The following DNAH11 variants were observed in gnomAD, a reference collection of about 807,000 sequenced individuals.
DNAH11 encodes the protein axonemal beta dynein heavy chain 11.
Under a neutral mutation model 526.0 loss-of-function variants are expected in DNAH11, and 442 were observed. The observed-to-expected ratio is 0.84, with a 90% CI of 0.78 to 0.91. The LOEUF (loss-of-function observed/expected upper bound fraction) is 0.91, where lower values mean the gene tolerates loss of function less well. DNAH11 is among the 40% of genes least tolerant of loss of function. The probability of loss-of-function intolerance (pLI) is 0.00; values close to 1 mark genes in which losing one functional copy is unlikely to be tolerated. For missense variants in DNAH11, 6,989 were observed against 5,448.7 expected, an observed-to-expected ratio of 1.28 and a Z score of -8.90; for synonymous variants, 2,461 against 1,935.9, an observed-to-expected ratio of 1.27 and a Z score of -7.12.
At chr7:21,763,837 C>G (rs1279870846) in intron 54 of DNAH11, among the ~76,000 whole-genome samples, 1 of 148,744 alleles carries the variant, frequency 6.7e-6, no homozygotes, top group Non-Finnish European at 1.5e-5. Context: ...TATATATATA[C>G]ACACACAATG....
chr7:21,791,642 A>G (rs1054090719), intron 61 of DNAH11, among the ~76,000 whole-genome samples: 1 of 152,190 alleles, frequency 6.6e-6, no homozygotes, highest in African/African-American at 2.4e-5. Flanking sequence ...AGCTTACATT[A>G]GCTAGAAGGG....
At chr7:21,677,087 CAAT>C (rs1402338093) in intron 30 of DNAH11, among the ~76,000 whole-genome samples, 1 of 151,800 alleles carries the variant, frequency 6.6e-6, no homozygotes, top group Non-Finnish European at 1.5e-5. Flanking sequence ...AGACATAAAA[CAAT>C]AATCACATCT....
chr7:21,602,096 G>A (rs1785114076), intron 18 of DNAH11, among the ~76,000 whole-genome samples: 1 of 151,958 alleles, frequency 6.6e-6, no homozygotes, highest in Admixed American at 6.6e-5. Flanking sequence ...TCCCAGCACT[G>A]TGAGAGGCTG....
intron 61 of DNAH11, among the ~76,000 whole-genome samples, chr7:21,796,358 G>T (rs1583704796): frequency 6.6e-6 from 1 of 152,154 alleles, no homozygotes; most frequent in Non-Finnish European, 1.5e-5. Context: ...GCACAGGAGG[G>T]ATAAATCGAT....
At position 21,894,905 on chromosome 7, in the gene DNAH11, G is replaced by T. The variant is rs770536405; in HGVS notation, c.12955G>T (p.Ala4319Ser). 3 of 1,613,998 alleles carry T rather than the reference G, an allele frequency of 1.9e-6. No homozygotes were observed. The highest frequency in any genetic ancestry group is 2.2e-5 in the South Asian group (2 of 91,074). ...CAAGGGGGAATTGGCATTATCTCCT[G>T]CTGTGGAAGCCCAGCAGTTTGCATT... is the stretch of plus-strand genomic sequence containing the variant. ...SLKGELALSP[A>S]VEAQQFALSY... Residue 4319 changes from alanine (A) to serine (S), a missense_variant, in exon 79 of 82, where the codon GCT becomes TCT. Ala to Ser is a moderately conservative substitution (Grantham distance 99, BLOSUM62 1). Coordinates refer to ENST00000409508, the MANE Select transcript of DNAH11 (RefSeq NM_001277115.2).
intron 28 of DNAH11, among the ~76,000 whole-genome samples, chr7:21,646,198 G>C (rs889614341): frequency 6.6e-6 from 1 of 152,154 alleles, no homozygotes; most frequent in Non-Finnish European, 1.5e-5. Flanking sequence ...GAAGTCATCA[G>C]GGAAATGTAA....
chr7:21,638,703 TG>T (rs1786981395), intron 27 of DNAH11, among the ~76,000 whole-genome samples: 1 of 148,968 alleles, frequency 6.7e-6, no homozygotes, highest in Admixed American at 6.7e-5. Context: ...TGTGTGTGTG[TG>T]TGTGTGTGTG....
At chr7:21,779,837 G>T (rs532509258) in intron 57 of DNAH11, among the ~76,000 whole-genome samples, 22 of 152,218 alleles carry the variant, frequency 1.4e-4, no homozygotes, top group African/African-American at 4.6e-4. Context: ...TATGTGTAAG[G>T]TAAAAAATTC....
chr7:21,606,302 G>C, intron 18 of DNAH11, 124 bp from the exon 19 acceptor site: 1 of 791,680 alleles, frequency 1.3e-6, no homozygotes, highest in Non-Finnish European at 2.0e-6. Context: ...CAGCCTAGGG[G>C]ATAGAGCCAG....
intron 61 of DNAH11, 103 bp downstream of exon 61, chr7:21,789,445 A>G (rs1788339187): frequency 1.5e-6 from 1 of 686,570 alleles, no homozygotes; most frequent in South Asian, 2.2e-5. Flanking sequence ...CCTATCAAGC[A>G]GAAAGGAATT....
intron 65 of DNAH11, among the ~76,000 whole-genome samples, chr7:21,824,274 G>C (rs1359283587): frequency 1.3e-5 from 2 of 152,084 alleles, no homozygotes; most frequent in Non-Finnish European, 2.9e-5. Flanking sequence ...CTGCCATTCA[G>C]ATTATTGCCA....
intron 14 of DNAH11, among the ~76,000 whole-genome samples, chr7:21,593,230 C>G (rs1357963437): frequency 6.6e-6 from 1 of 152,116 alleles, no homozygotes; most frequent in African/African-American, 2.4e-5. Context: ...TCAACTCTGT[C>G]CCATCCTGAC....
Position 21,687,017 on chromosome 7 carries a change from CT to C in DNAH11, c.5622-75del, listed in dbSNP as rs1293798156. The stretch of plus-strand genomic sequence containing the variant: ...CTATCACATTCTAGAGCTTCTTAAA[CT>C]TTTTTTCTAATGTATTGCCTCTGAT... On this transcript the variant is annotated intron_variant, in intron 32 of 81. Coordinates refer to ENST00000409508, the MANE Select transcript of DNAH11 (RefSeq NM_001277115.2). 8.2e-5 allele frequency: 113 copies of C among 1,374,098 alleles called. No individual in the cohort carries two copies. The Middle Eastern group carries it at 1.0e-3, about 12-fold the overall frequency. The allele number at this position is 1,374,098 out of a possible 1,614,324, so 85.1% of individuals were successfully genotyped here. A position where few individuals can be genotyped will look rare whatever the true frequency, so the allele number is the denominator to read the frequency against.
At chr7:21,581,126 G>C (rs1170451454) in intron 8 of DNAH11, among the ~76,000 whole-genome samples, 1 of 152,200 alleles carries the variant, frequency 6.6e-6, no homozygotes, top group Non-Finnish European at 1.5e-5. Context: ...AGTTTACAGA[G>C]GTGGCAAAGG....
At chr7:21,552,239 G>A (rs1216193411) in intron 2 of DNAH11, among the ~76,000 whole-genome samples, 2 of 152,222 alleles carry the variant, frequency 1.3e-5, no homozygotes, top group East Asian at 3.8e-4. Context: ...CTGTTTTACT[G>A]CCTGAATTTC....
At position 21,779,165 on chromosome 7, in the gene DNAH11, A is replaced by AG. The variant is rs1787825283; in HGVS notation, c.9483+63dup. On this transcript the variant is annotated intron_variant, in intron 57 of 81. Coordinates refer to ENST00000409508, the MANE Select transcript of DNAH11 (RefSeq NM_001277115.2). ...TATTTAGCACAAAATAAACCTTGGT[A>AG]GGTGAACAATTTTGAACAACTTCCT... 2.6e-6 allele frequency: 4 copies of AG among 1,540,776 alleles called. No homozygotes were observed. In the East Asian group the frequency reaches 9.2e-5, roughly 36 times the overall value.
intron 25 of DNAH11, among the ~76,000 whole-genome samples, chr7:21,628,546 A>G (rs1437798675): frequency 3.3e-5 from 5 of 152,176 alleles, no homozygotes; most frequent in Non-Finnish European, 5.9e-5. Context: ...TGTTAAAATA[A>G]TCATATGGTT....
chr7:21,901,768 AG>A lies in DNAH11; in HGVS notation c.*515del, dbSNP rs1784878013. On this transcript the variant is annotated 3_prime_UTR_variant, in exon 82 of 82. Transcript: ENST00000409508. ...GCACTCTGTAAGGCCTCCAGTGTCC[AG>A]TGTCTACAATGTTGATGGTCCCCTT... 2 of 159,592 alleles carry A rather than the reference AG, an allele frequency of 1.3e-5. No individual in the cohort carries two copies. Among genetic ancestry groups the A allele is most frequent in the South Asian group, 3.7e-4 (2 of 5,444 alleles). 9.9% of individuals were successfully genotyped at this position (159,592 alleles called of 1,614,324 possible).
At chr7:21,893,560 G>T (rs1172248755) in intron 77 of DNAH11, among the ~76,000 whole-genome samples, 2 of 152,224 alleles carry the variant, frequency 1.3e-5, no homozygotes, top group Non-Finnish European at 2.9e-5. Flanking sequence ...AGAAAGCAAG[G>T]AAAGAAGGAA....
Sources: gnomAD v4.1 joint callset for allele counts (sites outside exome capture counted in the v4.1 genomes callset) on GRCh38, gnomAD v4.1.1 for gene constraint, MANE v1.5 for transcripts, NCBI Gene and HGNC (gene_info 2026-07-23, HGNC 2026-07-21) for gene names.